LRRC56: variants seen among roughly 807,000 people sequenced by gnomAD.
The protein encoded by LRRC56 is leucine rich repeat containing 56, also known as leucine-rich repeat-containing protein 56.
Under a neutral mutation model 47.8 loss-of-function variants are expected in LRRC56, and 41 were observed. That is an observed-to-expected ratio of 0.86 (90% CI 0.67 to 1.11). LRRC56 has a LOEUF of 1.11. Ranked by LOEUF, LRRC56 falls within the 50% of genes most tolerant of loss-of-function variation. The pLI, the probability that LRRC56 is intolerant of heterozygous loss-of-function variation, is 0.00. For missense variants in LRRC56, 759 were observed against 704.2 expected (o/e 1.08, Z -0.88); for synonymous variants, 387 against 311.2 (o/e 1.24, Z -2.56).
At chr11:549,610 G>A (rs1003787282) in intron 6 of LRRC56, among the ~76,000 whole-genome samples, 1 of 152,260 alleles carries the variant, frequency 6.6e-6, no homozygotes, top group Non-Finnish European at 1.5e-5. Context: ...GGTGATGCCT[G>A]CAGCCTGCCA....
Position 554,873 on chromosome 11 carries a change from A to G in LRRC56, c.*597A>G. The G allele has an allele frequency of 2.6e-6, 2 of 776,872 alleles. No homozygotes were observed. Among genetic ancestry groups the G allele is most frequent in the South Asian group, 4.0e-5 (2 of 50,168 alleles). The allele number at this position is 776,872 out of a possible 1,614,324, so 48.1% of individuals were successfully genotyped here. On this transcript the variant is annotated 3_prime_UTR_variant, in exon 14 of 14. Transcript: ENST00000270115. Reference sequence around the variant, plus strand: ...TCTCAGGTGTACAGAAATGCGGTTTACTTTGTAGGCCACGTTGGTTCAATA... The same window carrying G: ...TCTCAGGTGTACAGAAATGCGGTTTGCTTTGTAGGCCACGTTGGTTCAATA...
In LRRC56 at chr11:550,131, A is replaced by C. The variant is rs1852306062; in HGVS notation, c.483A>C (p.Gln161His). Residue 161 changes from glutamine (Q) to histidine (H), a missense_variant, in exon 8 of 14, where the codon CAA becomes CAC. By Grantham distance (24) the Gln-to-His change is conservative (BLOSUM62 0). Coordinates refer to ENST00000270115, the MANE Select transcript of LRRC56 (RefSeq NM_198075.4). ...TGAGCCCACTGTGCCTGCTGGAACA[A>C]TTGGAGGTGCTGGACCTGGAGGGCA... ...SDLSPLCLLE[Q>H]LEVLDLEGNS... 2 of 1,613,540 alleles carry C rather than the reference A, an allele frequency of 1.2e-6. No individual in the cohort carries two copies. The highest frequency in any genetic ancestry group is 8.5e-7 in the Non-Finnish European group (1 of 1,179,884).
At chr11:511,586 A>G in the LRRC56 span, among the ~76,000 whole-genome samples, 2 of 152,234 alleles carry the variant, frequency 1.3e-5, no homozygotes, top group Admixed American at 6.5e-5. Flanking sequence ...TTTGCCCCAT[A>G]AGGGTTCTTC....
chr11:538,222 G>A (rs952023263), intron 1 of LRRC56, among the ~76,000 whole-genome samples: 2 of 152,196 alleles, frequency 1.3e-5, no homozygotes, highest in South Asian at 2.1e-4. Flanking sequence ...CTGATGCTTG[G>A]GGCTCTTGGG....
intron 5 of LRRC56, among the ~76,000 whole-genome samples, chr11:543,820 C>T (rs538238635): frequency 1.3e-5 from 2 of 152,242 alleles, no homozygotes; most frequent in South Asian, 2.1e-4. Context: ...GCAATCTCGG[C>T]TCACTGCAAG....
At chr11:510,415 A>C in the LRRC56 span, among the ~76,000 whole-genome samples, 1 of 152,054 alleles carries the variant, frequency 6.6e-6, no homozygotes, top group Admixed American at 6.6e-5. Context: ...TAGCCTGGCC[A>C]ACATGGTGAA....
the LRRC56 span, among the ~76,000 whole-genome samples, chr11:517,975 C>T: frequency 2.0e-5 from 3 of 152,202 alleles, no homozygotes; most frequent in East Asian, 1.9e-4. Flanking sequence ...GCAGCATGCT[C>T]GTTAAGAGTC....
upstream of LRRC56, chr11:535,411 C>G (rs1851430123): frequency 6.8e-6 from 1 of 147,242 alleles, no homozygotes; most frequent in African/African-American, 2.4e-5. Flanking sequence ...CCTGCCCGCA[C>G]TCACCGTTCA....
In LRRC56 at chr11:540,856, C is replaced by T. The variant is rs755213437; in HGVS notation, c.172C>T (p.Arg58Trp). The change falls in exon 4 of 14, where the codon CGG (arginine) becomes TGG (tryptophan). Residue 58 changes from arginine to tryptophan, a missense_variant. Transcript: ENST00000270115. ...QLVEEYLSPA[R>W]LQALARVDDL... ...GGTGGAAGAGTACCTGTCCCCTGCCCGGCTGGTGAGTGTGGGCGCTGGGGG... is the reference window on the plus strand; with the variant it reads ...GGTGGAAGAGTACCTGTCCCCTGCCTGGCTGGTGAGTGTGGGCGCTGGGGG... 2.6e-5 allele frequency: 41 copies of T among 1,556,188 alleles called. No homozygotes were observed. Among genetic ancestry groups the T allele is most frequent in the African/African-American group, 5.4e-5 (4 of 73,616 alleles).
intron 6 of LRRC56, among the ~76,000 whole-genome samples, chr11:548,632 G>GT (rs1852209602): frequency 6.6e-6 from 1 of 151,964 alleles, no homozygotes; most frequent in Non-Finnish European, 1.5e-5. Flanking sequence ...TAATTTTTTT[G>GT]TATTTTTAGT....
intron 1 of LRRC56, 49 bp downstream of exon 1, chr11:537,654 T>A (rs1481445642): frequency 3.9e-5 from 6 of 152,282 alleles, no homozygotes; most frequent in African/African-American, 1.2e-4. Flanking sequence ...CCTCGCCCTA[T>A]GACCGGTGCC....
chr11:526,306 C>A, the LRRC56 span, among the ~76,000 whole-genome samples: 4 of 152,190 alleles, frequency 2.6e-5, no homozygotes, highest in African/African-American at 9.7e-5. Flanking sequence ...AAGGAGACGT[C>A]CAGGCTGTGG....
At chr11:552,365 G>A (rs943511461) in intron 12 of LRRC56, 133 bp downstream of exon 12, 5 of 1,335,410 alleles carry the variant, frequency 3.7e-6, no homozygotes, top group South Asian at 1.4e-5. Context: ...CCCGTGGGGG[G>A]ATCAGGGCTG....
the LRRC56 span, among the ~76,000 whole-genome samples, chr11:514,338 G>A: frequency 8.1e-4 from 123 of 150,926 alleles, no homozygotes; most frequent in African/African-American, 2.9e-3. Context: ...CCAGACTAGA[G>A]TGCAGTGACA....
At chr11:532,063 C>G in the LRRC56 span, among the ~76,000 whole-genome samples, 1 of 152,182 alleles carries the variant, frequency 6.6e-6, no homozygotes, top group Non-Finnish European at 1.5e-5. Flanking sequence ...TGCCAGAAGC[C>G]GTGGACACTG....
upstream of LRRC56, chr11:533,555 G>A (rs2133987418): frequency 6.2e-7 from 1 of 1,613,902 alleles, no homozygotes; most frequent in Non-Finnish European, 8.5e-7. Context: ...GGTCACACTT[G>A]TTCCCCACCA....
rs549065818 is a variant in LRRC56, at chr11:554,417, G to A, written c.*141G>A. The stretch of plus-strand genomic sequence containing the variant: ...CTGGGGAGGACCCTCTTGGTGGAGG[G>A]GAGTGGGGGACTGGGACCAGCCAGG... On this transcript the variant is annotated 3_prime_UTR_variant, in exon 14 of 14. Coordinates refer to ENST00000270115, the MANE Select transcript of LRRC56 (RefSeq NM_198075.4). 59 of 707,854 alleles carry A rather than the reference G, an allele frequency of 8.3e-5. No individual in the cohort carries two copies. In the African/African-American group the frequency reaches 8.5e-4, roughly 10 times the overall value. 43.8% of individuals were successfully genotyped at this position (707,854 alleles called of 1,614,324 possible).
At chr11:520,406 C>T in the LRRC56 span, among the ~76,000 whole-genome samples, 6 of 152,182 alleles carry the variant, frequency 3.9e-5, no homozygotes, top group South Asian at 2.1e-4. Context: ...CTGCAACCTC[C>T]GCCTCCCGGG....
At chr11:527,782 C>G in the LRRC56 span, among the ~76,000 whole-genome samples, 1 of 150,574 alleles carries the variant, frequency 6.6e-6, no homozygotes. Flanking sequence ...CTCACCGCAA[C>G]CTCCACCCAC....
Sources: allele counts gnomAD v4.1 joint callset (sites outside exome capture counted in the v4.1 genomes callset), GRCh38; gene constraint gnomAD v4.1.1; transcripts MANE v1.5; gene names NCBI Gene and HGNC (gene_info 2026-07-23, HGNC 2026-07-21).